KLHL2: variants seen among roughly 807,000 people sequenced by gnomAD.
KLHL2 encodes kelch like family member 2, also known as kelch-like protein 2.
Under a neutral mutation model 75.8 loss-of-function variants are expected in KLHL2, and 15 were observed. The observed-to-expected ratio is 0.20, with a 90% CI of 0.13 to 0.30. The LOEUF (loss-of-function observed/expected upper bound fraction) is 0.30. KLHL2 is among the 10% of genes least tolerant of loss of function. The pLI, the probability that KLHL2 is intolerant of heterozygous loss-of-function variation, is 1.00. For synonymous variants in KLHL2, 214 were observed against 251.9 expected, an observed-to-expected ratio of 0.85 and a Z score of 1.42; for missense variants, 381 against 741.0, an observed-to-expected ratio of 0.51 and a Z score of 5.64.
chr4:165,220,368 C>A (rs1007858015), intron 2 of KLHL2, among the ~76,000 whole-genome samples: 1 of 152,004 alleles, frequency 6.6e-6, no homozygotes, highest in African/African-American at 2.4e-5. Flanking sequence ...TTTATTAATA[C>A]TTTTAAATAT....
chr4:165,305,840 G>A, intron 9 of KLHL2, 115 bp downstream of exon 9: 3 of 732,392 alleles, frequency 4.1e-6, no homozygotes, highest in South Asian at 1.7e-5. Context: ...GAGTAAAATA[G>A]CTATGTAGTT....
chr4:165,322,306 TA>T lies in KLHL2; in HGVS notation c.*248del. The T allele has an allele frequency of 2.1e-6, 1 of 481,338 alleles. No homozygotes were observed. The highest frequency in any genetic ancestry group is 3.7e-6 in the Non-Finnish European group (1 of 270,558). 29.8% of individuals were successfully genotyped at this position (481,338 alleles called of 1,614,324 possible). A position where few individuals can be genotyped will look rare whatever the true frequency, so the allele number is the denominator to read the frequency against. ...CATAAGAAACTTGGACTGCAGGACT[TA>T]ATCTGTAGTCTTTAGACAACAGTTG... On this transcript the variant is annotated 3_prime_UTR_variant, in exon 15 of 15. Transcript: ENST00000226725.
chr4:165,291,991 G>A (rs1302331055), intron 5 of KLHL2, among the ~76,000 whole-genome samples: 1 of 151,728 alleles, frequency 6.6e-6, no homozygotes, highest in Non-Finnish European at 1.5e-5. Flanking sequence ...CACTGTGCTC[G>A]GTGTCCCATA....
At chr4:165,292,243 T>A (rs1307958182) in intron 5 of KLHL2, among the ~76,000 whole-genome samples, 1 of 152,212 alleles carries the variant, frequency 6.6e-6, no homozygotes. Flanking sequence ...TTTAAACAAT[T>A]GTGTGTCAAA....
chr4:165,294,757 T>C (rs1047299698), intron 6 of KLHL2, among the ~76,000 whole-genome samples: 2 of 152,220 alleles, frequency 1.3e-5, no homozygotes, highest in African/African-American at 4.8e-5. Flanking sequence ...CAGCAAGAGC[T>C]TGCACACATT....
At chr4:165,210,073 C>G in intron 1 of KLHL2, 1 of 1,551,320 alleles carries the variant, frequency 6.4e-7, no homozygotes, top group Non-Finnish European at 8.7e-7. Flanking sequence ...GAAGACTCAG[C>G]TTTTCATGAA....
At chr4:165,272,919 T>A (rs1286560550) in intron 5 of KLHL2, among the ~76,000 whole-genome samples, 2 of 152,332 alleles carry the variant, frequency 1.3e-5, no homozygotes, top group Non-Finnish European at 2.9e-5. Flanking sequence ...AAAGAAGCAT[T>A]GATTCTTCAT....
At chr4:165,229,474 C>T (rs4055316) in intron 3 of KLHL2, among the ~76,000 whole-genome samples, 12,885 of 147,720 alleles carry the variant, frequency 0.087, 607 homozygotes, top group Middle Eastern at 0.11. Flanking sequence ...TACAAAGAAA[C>T]GAAGTTTTTA....
chr4:165,220,018 G>T lies in KLHL2; in HGVS notation c.111G>T (p.Trp37Cys). ...ACTGCCCAGTGACAGTGAATCCTTGGCATATGAAGAAAGCTTTCAAAGTCA... is the reference window on the plus strand; with the variant it reads ...ACTGCCCAGTGACAGTGAATCCTTGTCATATGAAGAAAGCTTTCAAAGTCA... ...EKHCPVTVNP[W>C]HMKKAFKVMN... Residue 37 changes from tryptophan (W) to cysteine (C), a missense_variant, in exon 2 of 15, where the codon TGG (tryptophan) becomes TGT (cysteine). Physicochemically the swap from Trp to Cys is radical, Grantham distance 215. Coordinates refer to ENST00000226725, the MANE Select transcript of KLHL2 (RefSeq NM_007246.4). The T allele has an allele frequency of 6.2e-7, 1 of 1,612,040 alleles. No individual in the cohort carries two copies. The highest frequency in any genetic ancestry group is 1.1e-5 in the South Asian group (1 of 90,438).
intron 5 of KLHL2, among the ~76,000 whole-genome samples, chr4:165,276,459 A>G (rs1462600195): frequency 6.6e-6 from 1 of 151,864 alleles, no homozygotes; most frequent in Non-Finnish European, 1.5e-5. Context: ...CTGGGAACCT[A>G]GGTAGAAGGG....
At position 165,248,068 on chromosome 4, in the gene KLHL2, G is replaced by T. The variant is rs369793892; in HGVS notation, c.381+9169G>T. On this transcript the variant is annotated intron_variant, in intron 4 of 14. Coordinates refer to ENST00000226725, the MANE Select transcript of KLHL2 (RefSeq NM_007246.4). ...CTTACGGATTTGCAGATTGGCTGAG[G>T]ATCAACTAATCTAGGCTGAGGTTGG... Among the ~76,000 whole-genome samples the T allele has an allele frequency of 3.3e-4, 51 of 152,308 alleles. 2 individuals carry two copies. The South Asian group carries it at 9.5e-3, about 28-fold the overall frequency.
chr4:165,213,640 A>G (rs1000156652), intron 1 of KLHL2, among the ~76,000 whole-genome samples: 1 of 152,142 alleles, frequency 6.6e-6, no homozygotes, highest in Non-Finnish European at 1.5e-5. Flanking sequence ...TTTCCCATGT[A>G]CCTTCCTGTT....
intron 1 of KLHL2, among the ~76,000 whole-genome samples, chr4:165,218,311 TC>T (rs1480310003): frequency 6.6e-6 from 1 of 152,110 alleles, no homozygotes; most frequent in Non-Finnish European, 1.5e-5. Flanking sequence ...TGATCTGCAC[TC>T]CCCTCTCCTG....
At chr4:165,299,448 G>T in intron 7 of KLHL2, 59 bp from the exon 8 acceptor site, 1 of 1,434,906 alleles carries the variant, frequency 7.0e-7, no homozygotes, top group Non-Finnish European at 9.3e-7. Flanking sequence ...CTTTTTCTTT[G>T]GCAATTTAAT....
rs151122157 is a variant in KLHL2 at position 165,257,699 on chromosome 4, G to C, written c.382-5498G>C. On this transcript the variant is annotated intron_variant, in intron 4 of 14. Transcript: ENST00000226725. ...TTTGTCTCAAAGGACATGCACAATT[G>C]TATCTCAAAATAGAAATACACATGG... Among the ~76,000 whole-genome samples the C allele has an allele frequency of 2.8e-3, 429 of 152,244 alleles. 2 individuals are homozygous for C. The highest frequency in any genetic ancestry group is 9.8e-3 in the African/African-American group (406 of 41,532).
At chr4:165,238,996 A>T in intron 4 of KLHL2, 97 bp downstream of exon 4, 1 of 1,483,874 alleles carries the variant, frequency 6.7e-7, no homozygotes, top group Non-Finnish European at 8.9e-7. Flanking sequence ...CACCAAAATA[A>T]TAGGATTCAT....
chr4:165,232,588 A>G (rs1299974430), intron 3 of KLHL2, among the ~76,000 whole-genome samples: 13 of 151,928 alleles, frequency 8.6e-5, no homozygotes, highest in Non-Finnish European at 1.8e-4. Flanking sequence ...AAAAAAATTG[A>G]CTGAGCATGG....
chr4:165,312,177 C>CT (rs1365652762), intron 11 of KLHL2, among the ~76,000 whole-genome samples: 2 of 152,174 alleles, frequency 1.3e-5, no homozygotes, highest in African/African-American at 4.8e-5. Context: ...CGCTCACCTC[C>CT]TGTTGTGCAG....
chr4:165,313,983 CTT>C (rs1746412239), intron 12 of KLHL2, 41 bp from the exon 13 acceptor site: 4 of 1,583,324 alleles, frequency 2.5e-6, no homozygotes, highest in Non-Finnish European at 3.4e-6. Flanking sequence ...ATATAAATCT[CTT>C]GTTCTTTTTG....
Sources: allele counts gnomAD v4.1 joint callset (sites outside exome capture counted in the v4.1 genomes callset), GRCh38; gene constraint gnomAD v4.1.1; transcripts MANE v1.5; gene names NCBI Gene and HGNC (gene_info 2026-07-23, HGNC 2026-07-21).